LIMK2: variants seen among roughly 807,000 people sequenced by gnomAD.
LIMK2 encodes LIM domain kinase 2.
LIMK2 carries 35 observed loss-of-function variants against 75.7 expected under a neutral mutation model. The ratio of observed to expected loss-of-function variants is 0.46; its 90% CI spans 0.35 to 0.61. The LOEUF (loss-of-function observed/expected upper bound fraction) is 0.61, where lower values mean the gene tolerates loss of function less well. LIMK2 is among the 20% of genes least tolerant of loss of function. The pLI is 0.00. For synonymous variants in LIMK2, 301 were observed against 319.2 expected, an observed-to-expected ratio of 0.94 and a Z score of 0.61; for missense variants, 623 against 831.0, an observed-to-expected ratio of 0.75 and a Z score of 3.08.
chr22:31,246,171 A>G (rs542428364), intron 2 of LIMK2, among the ~76,000 whole-genome samples: 207 of 132,656 alleles, frequency 1.6e-3, no homozygotes, highest in Middle Eastern at 7.3e-3. Flanking sequence ...AGACTCCGAC[A>G]CACGCACGCA....
At chr22:31,213,995 A>G (rs547982442) in intron 1 of LIMK2, among the ~76,000 whole-genome samples, 1 of 151,572 alleles carries the variant, frequency 6.6e-6, no homozygotes, top group African/African-American at 2.4e-5. Flanking sequence ...TTTTTGGTAT[A>G]TTTAGTAGAG....
chr22:31,262,177 C>G lies in LIMK2; in HGVS notation c.595C>G (p.His199Asp). The change falls in exon 6 of 16, where the codon CAC becomes GAC. Residue 199 changes from histidine (H) to aspartate (D), a missense_variant. This residue lies in a region of LIMK2 where 514 missense variants were observed against 661.3 expected (regional missense o/e 0.78). Transcript: ENST00000331728. This position sits in a 1 kb window ranked among gnomAD's most constrained non-coding sequence, Gnocchi z 5.0. ...HISPNNRNAIHPGDRILEING... is the reference protein window; with the variant it reads ...HISPNNRNAIDPGDRILEING... ...CAGTCCCAACAATCGAAACGCCATC[C>G]ACCCTGGGGACCGCATCCTGGAGAT... 1 of 1,614,244 alleles carries G rather than the reference C, an allele frequency of 6.2e-7. No individual in the cohort carries two copies.
chr22:31,237,036 C>A (rs28813120), intron 2 of LIMK2, among the ~76,000 whole-genome samples: 2 of 149,786 alleles, frequency 1.3e-5, no homozygotes, highest in African/African-American at 4.9e-5. Context: ...CCGAGGGGGG[C>A]GGATCACAAG....
intron 1 of LIMK2, among the ~76,000 whole-genome samples, chr22:31,222,127 A>G (rs1348134485): frequency 6.6e-6 from 1 of 151,348 alleles, no homozygotes; most frequent in African/African-American, 2.4e-5. Context: ...CTGGAGTGCA[A>G]TGGCGAGATC....
chr22:31,264,864 C>T (rs1433554210), intron 7 of LIMK2, among the ~76,000 whole-genome samples: 2 of 151,812 alleles, frequency 1.3e-5, no homozygotes, highest in Admixed American at 6.6e-5. Context: ...TGAGACTAGC[C>T]TGGCCAATAT....
intron 2 of LIMK2, among the ~76,000 whole-genome samples, chr22:31,237,870 C>T (rs1485637863): frequency 6.6e-6 from 1 of 151,148 alleles, no homozygotes; most frequent in South Asian, 2.1e-4. Flanking sequence ...TTTGGGAGGC[C>T]GAGGTGGGCA....
At chr22:31,220,888 T>A (rs4820953) in intron 1 of LIMK2, among the ~76,000 whole-genome samples, 1 of 152,100 alleles carries the variant, frequency 6.6e-6, no homozygotes, top group Admixed American at 6.5e-5. Flanking sequence ...CACTTGAACC[T>A]GGGAGGCGGA....
At chr22:31,258,077 A>G (rs549724219) in intron 2 of LIMK2, among the ~76,000 whole-genome samples, 9 of 152,296 alleles carry the variant, frequency 5.9e-5, no homozygotes, top group Non-Finnish European at 1.2e-4. Context: ...TAGTCTGTCC[A>G]CTGAGGCAGG....
intron 15 of LIMK2, 172 bp downstream of exon 15, chr22:31,275,480 G>A: frequency 3.2e-6 from 2 of 622,810 alleles, no homozygotes; most frequent in South Asian, 4.0e-5. Context: ...TTGGAGAAGA[G>A]AGAGGTAAAG....
chr22:31,226,968 T>C (rs1036510848), intron 2 of LIMK2, among the ~76,000 whole-genome samples: 1 of 152,216 alleles, frequency 6.6e-6, no homozygotes, highest in African/African-American at 2.4e-5. Flanking sequence ...AGACTTCAAA[T>C]CAGATTTGTT....
At chr22:31,247,222 T>C (rs909586123) in intron 2 of LIMK2, among the ~76,000 whole-genome samples, 2 of 138,112 alleles carry the variant, frequency 1.4e-5, no homozygotes, top group Admixed American at 7.1e-5. Flanking sequence ...CTGAGTGTTC[T>C]GGTTTCCTCC....
chr22:31,240,236 T>C (rs749434850), intron 2 of LIMK2, among the ~76,000 whole-genome samples: 2 of 152,198 alleles, frequency 1.3e-5, no homozygotes, highest in Non-Finnish European at 2.9e-5. Context: ...ATTCTGGTCA[T>C]GACTTCCTGA....
At position 31,277,187 on chromosome 22, in the gene LIMK2, C is replaced by A. The variant is rs199999246; in HGVS notation, c.1773-1110C>A. ...GGTGGCTCCCATAGGACAATCGCTA[C>A]CCCCCGACCTCGTAGCAACAGCAAT... is the stretch of plus-strand genomic sequence containing the variant. On this transcript the variant is annotated intron_variant, in intron 15 of 15. Coordinates refer to ENST00000331728, the MANE Select transcript of LIMK2 (RefSeq NM_005569.4). 246 of 1,610,816 alleles carry A rather than the reference C, an allele frequency of 1.5e-4. 1 individual carries two copies. The East Asian group carries it at 5.3e-3, about 35-fold the overall frequency.
chr22:31,237,387 A>G (rs1346470777), intron 2 of LIMK2, among the ~76,000 whole-genome samples: 1 of 151,478 alleles, frequency 6.6e-6, no homozygotes, highest in Non-Finnish European at 1.5e-5. Context: ...AACATGGTGA[A>G]ACCTTGTCTC....
chr22:31,218,926 T>A (rs2048410394), intron 1 of LIMK2, among the ~76,000 whole-genome samples: 1 of 152,182 alleles, frequency 6.6e-6, no homozygotes, highest in African/African-American at 2.4e-5. Flanking sequence ...GGCATTAGAG[T>A]CTCATGAGCT....
Position 31,266,015 on chromosome 22 carries a change from C to T in LIMK2, c.924C>T (p.Asp308=). The change falls in exon 8 of 16, where the codon GAC becomes GAT. Residue 308 remains aspartate (D), a synonymous_variant. Transcript: ENST00000331728. ...AGGAGCCCCTGCTGTTCAGCCGTGACATCAGCCGCTCAGAATCCCTTCGTT... is the reference window on the plus strand; with the variant it reads ...AGGAGCCCCTGCTGTTCAGCCGTGATATCAGCCGCTCAGAATCCCTTCGTT... The part of the protein sequence containing the change: ...SPKEPLLFSR[D]ISRSESLRCS... 6.2e-7 allele frequency: 1 copy of T among 1,614,174 alleles called. No individual in the cohort carries two copies. The highest frequency in any genetic ancestry group is 1.3e-5 in the African/African-American group (1 of 75,052).
In LIMK2 at chr22:31,220,068, T is replaced by C. The variant is rs137913941; in HGVS notation, c.17-5652T>C. ...ATCCCTAAGACTTTGCATTACAGTA[T>C]TACATTTCTTTTACATTTCCTAGAA... On this transcript the variant is annotated intron_variant, in intron 1 of 15. Coordinates refer to ENST00000331728, the MANE Select transcript of LIMK2 (RefSeq NM_005569.4). 5.9e-3 allele frequency among the ~76,000 whole-genome samples: 901 copies of C among 152,324 alleles called. 6 individuals are homozygous for C. Among genetic ancestry groups the C allele is most frequent in the Non-Finnish European group, 0.011 (735 of 68,028 alleles).
intron 2 of LIMK2, among the ~76,000 whole-genome samples, chr22:31,226,229 G>A (rs1486365409): frequency 7.2e-6 from 1 of 139,492 alleles, no homozygotes; most frequent in Non-Finnish European, 1.5e-5. Context: ...TTATGAGAGG[G>A]ATTCTTGCTG....
Position 31,234,719 on chromosome 22 carries a change from CAAAAAAAAAA to C in LIMK2, c.116+8914_116+8923del, listed in dbSNP as rs35909225. ...CTGGTGACAGAGTAAGACTCCATCT[CAAAAAAAAAA>C]AAAAAAAAAAAAATTCCTTAATTTG... On this transcript the variant is annotated intron_variant, in intron 2 of 15. Coordinates refer to ENST00000331728, the MANE Select transcript of LIMK2 (RefSeq NM_005569.4). 2.0e-4 allele frequency among the ~76,000 whole-genome samples: 14 copies of C among 68,456 alleles called. No individual in the cohort carries two copies. The South Asian group carries it at 2.7e-3, about 13-fold the overall frequency. The allele number at this position is 68,456 out of a possible 152,430, so 44.9% of individuals were successfully genotyped here.
Sources: gnomAD v4.1 joint callset for allele counts (sites outside exome capture counted in the v4.1 genomes callset) on GRCh38, gnomAD v4.1.1 for gene constraint, gnomAD v4.1.1 regional missense constraint, Gnocchi (gnomAD v3.1) non-coding constraint, MANE v1.5 for transcripts, NCBI Gene and HGNC (gene_info 2026-07-23, HGNC 2026-07-21) for gene names.